Variants in ZBTB20 observed in about 807,000 individuals in gnomAD.
ZBTB20 encodes the protein zinc finger and BTB domain containing 20, also known as zinc finger and BTB domain-containing protein 20.
In ZBTB20, 9 loss-of-function variants were observed where a neutral mutation model predicts 56.9. The observed-to-expected ratio is 0.16, with a 90% confidence interval of 0.10 to 0.28. The LOEUF is 0.28. ZBTB20 is among the 10% of genes least tolerant of loss of function. The pLI is 1.00. For missense variants in ZBTB20, 655 were observed against 1,003.0 expected (o/e 0.65, Z 4.69); for synonymous variants, 417 against 420.7 (o/e 0.99, Z 0.11).
chr3:114,613,749 G>A (rs2057725429), intron 6 of ZBTB20, among the ~76,000 whole-genome samples: 1 of 152,048 alleles, frequency 6.6e-6, no homozygotes. Context: ...CCTAGGTCGG[G>A]GGAGTGTGTT....
chr3:115,024,541 G>A (rs2080340964), intron 2 of ZBTB20, among the ~76,000 whole-genome samples: 1 of 151,042 alleles, frequency 6.6e-6, no homozygotes, highest in East Asian at 2.0e-4. Flanking sequence ...ACCCCTTTTG[G>A]ATAGGTGCTT....
intron 2 of ZBTB20, among the ~76,000 whole-genome samples, chr3:115,023,181 G>A (rs2080276056): frequency 6.6e-6 from 1 of 150,840 alleles, no homozygotes; most frequent in South Asian, 2.1e-4. Context: ...AACCTTAACA[G>A]GTAGAAATGG....
chr3:114,890,881 T>C (rs2076781780), intron 4 of ZBTB20, among the ~76,000 whole-genome samples: 1 of 152,210 alleles, frequency 6.6e-6, no homozygotes, highest in Non-Finnish European at 1.5e-5. Flanking sequence ...TCGTTATCTT[T>C]GACTATGCCA....
chr3:114,647,472 A>G (rs948191722), intron 6 of ZBTB20, among the ~76,000 whole-genome samples: 1 of 152,192 alleles, frequency 6.6e-6, no homozygotes. Context: ...GGAGTTCTCA[A>G]AAGTCCAAAG....
intron 5 of ZBTB20, among the ~76,000 whole-genome samples, chr3:114,718,508 C>T (rs1414166177): frequency 6.6e-6 from 1 of 152,052 alleles, no homozygotes; most frequent in Non-Finnish European, 1.5e-5. Flanking sequence ...GATTGCTTTC[C>T]TCACATCTGG....
At chr3:114,662,065 C>A (rs1209204856) in intron 6 of ZBTB20, among the ~76,000 whole-genome samples, 3 of 130,334 alleles carry the variant, frequency 2.3e-5, no homozygotes, top group African/African-American at 5.7e-5. Context: ...TCCCCCCACC[C>A]CACCACAGTC....
At chr3:114,423,987 T>C (rs1186957576) in intron 7 of ZBTB20, among the ~76,000 whole-genome samples, 3 of 152,244 alleles carry the variant, frequency 2.0e-5, no homozygotes, top group Admixed American at 2.0e-4. Context: ...TATTGACCAG[T>C]CTTTATCAAT....
chr3:114,467,200 G>A (rs2109210117), intron 7 of ZBTB20, among the ~76,000 whole-genome samples: 1 of 152,168 alleles, frequency 6.6e-6, no homozygotes, highest in East Asian at 1.9e-4. Context: ...TTGAGCAGCA[G>A]GAAACCCACA....
chr3:114,755,072 T>G lies in ZBTB20; in HGVS notation c.-343+46029A>C, dbSNP rs562811423. Among the ~76,000 whole-genome samples, 8 of 152,314 alleles carry G rather than the reference T, an allele frequency of 5.3e-5. No homozygotes were observed. The South Asian group carries it at 1.7e-3, about 32-fold the overall frequency. On this transcript the variant is annotated intron_variant, in intron 5 of 11. Transcript: ENST00000675478. Reference sequence around the variant, plus strand: ...AGCTTCTGATTTAGAAATTCTGGAATGGGGTTCAGGAATCTCCATTTTAAC... The same window carrying G: ...AGCTTCTGATTTAGAAATTCTGGAAGGGGGTTCAGGAATCTCCATTTTAAC...
intron 6 of ZBTB20, among the ~76,000 whole-genome samples, chr3:114,677,845 CTTCCTCTCTCT>C (rs1048224201): frequency 4.6e-5 from 7 of 152,148 alleles, no homozygotes; most frequent in African/African-American, 1.2e-4. Flanking sequence ...TTCCTCTCCC[CTTCCTCTCTCT>C]GCCTACTCTT....
intron 5 of ZBTB20, among the ~76,000 whole-genome samples, chr3:114,778,093 T>G: frequency 5.6e-5 from 5 of 89,804 alleles, no homozygotes; most frequent in Admixed American, 5.0e-4. Flanking sequence ...TGGGGACTGT[T>G]GTGGGGTGGG....
intron 2 of ZBTB20, among the ~76,000 whole-genome samples, chr3:115,019,805 A>T (rs992017252): frequency 6.6e-6 from 1 of 151,366 alleles, no homozygotes. Context: ...ATGTGGTTAC[A>T]TAAAACTGCA....
chr3:114,431,664 C>T (rs1264550959), intron 7 of ZBTB20, among the ~76,000 whole-genome samples: 1 of 152,130 alleles, frequency 6.6e-6, no homozygotes, highest in Non-Finnish European at 1.5e-5. Flanking sequence ...CGTCCACCAA[C>T]AATAAAAAGG....
chr3:114,788,882 A>G (rs951336454), intron 5 of ZBTB20, among the ~76,000 whole-genome samples: 2 of 152,198 alleles, frequency 1.3e-5, no homozygotes, highest in African/African-American at 4.8e-5. Context: ...ATATGGAGGC[A>G]GGCGAGAGAG....
intron 10 of ZBTB20, among the ~76,000 whole-genome samples, chr3:114,374,939 A>T (rs1391800398): frequency 2.0e-5 from 3 of 152,216 alleles, no homozygotes; most frequent in Non-Finnish European, 4.4e-5. Context: ...AACTTTCTGA[A>T]CATGCAGTCA....
At chr3:114,524,128 G>C (rs762865324) in intron 6 of ZBTB20, among the ~76,000 whole-genome samples, 2 of 152,134 alleles carry the variant, frequency 1.3e-5, no homozygotes, top group East Asian at 3.8e-4. Context: ...TGGAATCTAC[G>C]CTATATAATG....
At chr3:114,802,615 A>C (rs2071798372) in intron 4 of ZBTB20, among the ~76,000 whole-genome samples, 1 of 151,904 alleles carries the variant, frequency 6.6e-6, no homozygotes, top group Non-Finnish European at 1.5e-5. Context: ...AGAGGAGGGG[A>C]GTGCACATTA....
intron 3 of ZBTB20, among the ~76,000 whole-genome samples, chr3:114,959,641 C>T (rs1398717498): frequency 6.6e-6 from 1 of 151,602 alleles, no homozygotes; most frequent in African/African-American, 2.4e-5. Context: ...GAAATTCAAA[C>T]AGTAGTTGTT....
chr3:115,029,481 A>G (rs1156544803), intron 2 of ZBTB20, among the ~76,000 whole-genome samples: 2 of 150,966 alleles, frequency 1.3e-5, no homozygotes, highest in Non-Finnish European at 3.0e-5. Flanking sequence ...GTATTGTAAA[A>G]GCCACAATAA....
Sources: allele counts gnomAD v4.1 joint callset (sites outside exome capture counted in the v4.1 genomes callset), GRCh38; gene constraint gnomAD v4.1.1; transcripts MANE v1.5; gene names NCBI Gene and HGNC (gene_info 2026-07-23, HGNC 2026-07-21).